Variants in MAK16 observed in about 807,000 individuals in gnomAD.
MAK16 encodes the protein protein MAK16 homolog.
MAK16 carries 12 observed loss-of-function variants against 49.9 expected under a neutral mutation model. That is an observed-to-expected ratio of 0.24 (90% CI 0.15 to 0.39). The LOEUF is 0.39. MAK16 is among the 10% of genes least tolerant of loss of function. The pLI, the probability that MAK16 is intolerant of heterozygous loss-of-function variation, is 1.00. For synonymous variants in MAK16, 115 were observed against 126.4 expected, an observed-to-expected ratio of 0.91 and a Z score of 0.60; for missense variants, 292 against 363.7, an observed-to-expected ratio of 0.80 and a Z score of 1.60.
At chr8:33,485,284 A>G (rs1808667908) in intron 1 of MAK16, 63 bp downstream of exon 1, 1 of 1,611,060 alleles carries the variant, frequency 6.2e-7, no homozygotes, top group Non-Finnish European at 8.5e-7. Context: ...CCATTTTCGG[A>G]CACTTAGAAA....
intron 9 of MAK16, 69 bp from the exon 10 acceptor site, chr8:33,498,363 G>C: frequency 1.5e-6 from 2 of 1,370,710 alleles, no homozygotes; most frequent in African/African-American, 2.9e-5. Flanking sequence ...AGATTGAGGG[G>C]ACAAGGAAGG....
Position 33,499,214 on chromosome 8 carries a change from C to T in MAK16, c.*585C>T, listed in dbSNP as rs369232711. The T allele has an allele frequency of 1.2e-6, 2 of 1,613,968 alleles. No homozygotes were observed. The highest frequency in any genetic ancestry group is 2.7e-5 in the African/African-American group (2 of 74,908). On this transcript the variant is annotated 3_prime_UTR_variant, in exon 10 of 10. Coordinates refer to ENST00000360128, the MANE Select transcript of MAK16 (RefSeq NM_032509.4). The stretch of plus-strand genomic sequence containing the variant: ...GGTGCGCCTTCAGAAACCTGCTGCA[C>T]TTTTCTGATATAGTTCACCACTTTT...
intron 3 of MAK16, 25 bp downstream of exon 3, chr8:33,488,654 G>C: frequency 6.2e-7 from 1 of 1,612,224 alleles, no homozygotes; most frequent in Non-Finnish European, 8.5e-7. Flanking sequence ...TTAACTTCTA[G>C]AAGAACTGCT....
intron 1 of MAK16, among the ~76,000 whole-genome samples, chr8:33,487,802 T>A (rs562799785): frequency 3.3e-5 from 5 of 152,046 alleles, no homozygotes; most frequent in Non-Finnish European, 7.4e-5. Flanking sequence ...TTTCACAGAG[T>A]ATGTCAAAAA....
At chr8:33,491,729 A>G (rs1166050006) in intron 6 of MAK16, among the ~76,000 whole-genome samples, 4 of 137,238 alleles carry the variant, frequency 2.9e-5, no homozygotes, top group East Asian at 2.2e-4. Flanking sequence ...TGCTTCCTGG[A>G]TTCAAGTGAT....
chr8:33,498,329 C>A, intron 9 of MAK16, 103 bp from the exon 10 acceptor site: 9 of 871,672 alleles, frequency 1.0e-5, no homozygotes, highest in South Asian at 5.7e-5. Context: ...CAGACATAGA[C>A]AAATCAATGC....
chr8:33,494,306 G>C (rs1027622280), intron 6 of MAK16, among the ~76,000 whole-genome samples: 1 of 152,078 alleles, frequency 6.6e-6, no homozygotes, highest in Non-Finnish European at 1.5e-5. Context: ...ATCTCCTGAC[G>C]TCGGGTGATC....
intron 5 of MAK16, among the ~76,000 whole-genome samples, chr8:33,490,066 G>A (rs540839488): frequency 6.6e-6 from 1 of 152,262 alleles, no homozygotes; most frequent in East Asian, 1.9e-4. Flanking sequence ...AGCGTTTAGT[G>A]TATCTTGCTG....
At chr8:33,485,374 TC>T in intron 1 of MAK16, 153 bp downstream of exon 1, 1 of 997,542 alleles carries the variant, frequency 1.0e-6, no homozygotes, top group Admixed American at 2.0e-5. Flanking sequence ...ACATAGGTTC[TC>T]ACGCGTGTCT....
intron 6 of MAK16, among the ~76,000 whole-genome samples, 163 bp downstream of exon 6, chr8:33,490,502 T>G (rs1452557249): frequency 2.6e-5 from 4 of 152,208 alleles, no homozygotes; most frequent in African/African-American, 4.8e-5. Flanking sequence ...ATTTTAAGAT[T>G]ATGATTTTCA....
chr8:33,497,822 G>A (rs1046099978), intron 9 of MAK16, among the ~76,000 whole-genome samples: 14 of 151,472 alleles, frequency 9.2e-5, no homozygotes, highest in South Asian at 2.1e-4. Flanking sequence ...ATGACCAGGC[G>A]TGGTGGCTCA....
intron 9 of MAK16, 41 bp downstream of exon 9, chr8:33,497,338 C>CAAA (rs35141506): frequency 4.5e-4 from 238 of 531,946 alleles, no homozygotes; most frequent in South Asian, 1.1e-3. Context: ...TGGCCTGCAG[C>CAAA]AAAAAAAAAA....
chr8:33,490,801 C>T (rs1007109635), intron 6 of MAK16, among the ~76,000 whole-genome samples: 2 of 152,158 alleles, frequency 1.3e-5, no homozygotes, highest in African/African-American at 4.8e-5. Context: ...TTCAATTATC[C>T]TTACAGTTAT....
At position 33,488,611 on chromosome 8, in the gene MAK16, A is replaced by G. The variant is rs1168639314; in HGVS notation, c.157A>G (p.Thr53Ala). 1.2e-6 allele frequency: 2 copies of G among 1,614,030 alleles called. No homozygotes were observed. The highest frequency in any genetic ancestry group is 1.3e-5 in the African/African-American group (1 of 74,924). ...SCPLANSQYATIKEEKGQCYL... is the reference protein window; with the variant it reads ...SCPLANSQYAAIKEEKGQCYL... The stretch of plus-strand genomic sequence containing the variant: ...TCCCCTGGCAAATAGTCAGTATGCC[A>G]CTATTAAAGAAGAGAAAGGTAACTC... Residue 53 changes from threonine (T) to alanine (A), a missense_variant, in exon 3 of 10, where the codon ACT (threonine) becomes GCT (alanine). Thr to Ala is a moderately conservative substitution (Grantham distance 58). Coordinates refer to ENST00000360128, the MANE Select transcript of MAK16 (RefSeq NM_032509.4).
At position 33,501,104 on chromosome 8, in the gene MAK16, T is replaced by C. The variant is rs924200789; in HGVS notation, c.*2475T>C. ...TGCACAATATTGTGACTGTACTTAATGCCACTGAACTGTACACTTTAAAAT... is the reference window on the plus strand; with the variant it reads ...TGCACAATATTGTGACTGTACTTAACGCCACTGAACTGTACACTTTAAAAT... On this transcript the variant is annotated 3_prime_UTR_variant, in exon 10 of 10. Transcript: ENST00000360128. 1 of 152,572 alleles carries C rather than the reference T, an allele frequency of 6.6e-6. No individual in the cohort carries two copies. Among genetic ancestry groups the C allele is most frequent in the Admixed American group, 6.5e-5 (1 of 15,316 alleles). 9.5% of individuals were successfully genotyped at this position (152,572 alleles called of 1,614,324 possible).
Position 33,497,308 on chromosome 8 carries a change from T to C in MAK16, c.705+11T>C, listed in dbSNP as rs1399434548. ...ATAAGTGATTTTGAGGTGAGCTTTA[T>C]GGGTAAAAAGATTGTCCTTTGGCCT... On this transcript the variant is annotated intron_variant, in intron 9 of 9. Transcript: ENST00000360128. 1 of 1,569,756 alleles carries C rather than the reference T, an allele frequency of 6.4e-7. No homozygotes were observed.
intron 6 of MAK16, among the ~76,000 whole-genome samples, chr8:33,491,035 G>C (rs1808769705): frequency 6.6e-6 from 1 of 152,118 alleles, no homozygotes; most frequent in Admixed American, 6.5e-5. Context: ...AATGTGCAGT[G>C]TTTGCCTTTC....
In MAK16 at chr8:33,501,063, G is replaced by A. The variant is rs1809058859; in HGVS notation, c.*2434G>A. The stretch of plus-strand genomic sequence containing the variant: ...ATCGCCTTGGTAAAGCTCCAGAAAT[G>A]GACAATGCTAGTGACTGCACAATAT... On this transcript the variant is annotated 3_prime_UTR_variant, in exon 10 of 10. Transcript: ENST00000360128. 1 of 154,250 alleles carries A rather than the reference G, an allele frequency of 6.5e-6. No individual in the cohort carries two copies. The highest frequency in any genetic ancestry group is 1.4e-5 in the Non-Finnish European group (1 of 69,526). 9.6% of individuals were successfully genotyped at this position (154,250 alleles called of 1,614,324 possible).
Position 33,499,097 on chromosome 8 carries a change from T to C in MAK16, c.*468T>C. 7.9e-7 allele frequency: 1 copy of C among 1,263,780 alleles called. No individual in the cohort carries two copies. The highest frequency in any genetic ancestry group is 1.2e-5 in the South Asian group (1 of 81,278). 78.3% of individuals were successfully genotyped at this position (1,263,780 alleles called of 1,614,324 possible). On this transcript the variant is annotated 3_prime_UTR_variant, in exon 10 of 10. Transcript: ENST00000360128. ...ACAAAGTTTCGTGTAAAAATATCTTTTTTTCTTAAATAACTCCATTCATAC... is the reference window on the plus strand; with the variant it reads ...ACAAAGTTTCGTGTAAAAATATCTTCTTTTCTTAAATAACTCCATTCATAC...
Sources: gnomAD v4.1 joint callset for allele counts (sites outside exome capture counted in the v4.1 genomes callset) on GRCh38, gnomAD v4.1.1 for gene constraint, MANE v1.5 for transcripts, NCBI Gene and HGNC (gene_info 2026-07-23, HGNC 2026-07-21) for gene names.